KLF12: variants seen among roughly 807,000 people sequenced by gnomAD.
The protein encoded by KLF12 is KLF transcription factor 12, also known as Krueppel-like factor 12.
A neutral mutation model predicts 37.8 loss-of-function variants in KLF12; 9 were observed. The ratio of observed to expected loss-of-function variants is 0.24; its 90% CI spans 0.14 to 0.42. The LOEUF is 0.42. KLF12 is among the 10% of genes least tolerant of loss of function. The pLI is 1.00. For synonymous variants in KLF12, 208 were observed against 202.1 expected (o/e 1.03, Z -0.25); for missense variants, 411 against 516.0 (o/e 0.80, Z 1.97).
intron 4 of KLF12, among the ~76,000 whole-genome samples, chr13:73,833,672 T>A (rs1478884329): frequency 6.6e-6 from 1 of 152,128 alleles, no homozygotes; most frequent in African/African-American, 2.4e-5. Context: ...CCAGATCTTT[T>A]GTCAGAGAAA....
At chr13:73,819,820 G>A (rs1227565326) in intron 4 of KLF12, among the ~76,000 whole-genome samples, 2 of 152,206 alleles carry the variant, frequency 1.3e-5, no homozygotes, top group Admixed American at 6.5e-5. Context: ...TTGAGTAAGA[G>A]AAGCTTGCAG....
the KLF12 span, among the ~76,000 whole-genome samples, chr13:74,241,361 G>C: frequency 3.3e-5 from 5 of 152,186 alleles, no homozygotes; most frequent in Non-Finnish European, 7.4e-5. Context: ...GTCAGACAGG[G>C]ACATTTAAGT....
At chr13:74,064,085 G>A (rs1396998347) in intron 1 of KLF12, among the ~76,000 whole-genome samples, 2 of 151,776 alleles carry the variant, frequency 1.3e-5, no homozygotes, top group Non-Finnish European at 2.9e-5. Flanking sequence ...CCCCAAAAGA[G>A]GAAAAAAATC....
chr13:74,291,017 T>C, the KLF12 span, among the ~76,000 whole-genome samples: 2 of 152,244 alleles, frequency 1.3e-5, no homozygotes. Context: ...CCACTTATTC[T>C]ACAACAACAA....
intron 3 of KLF12, among the ~76,000 whole-genome samples, chr13:73,852,641 G>A (rs1885390400): frequency 1.3e-5 from 2 of 152,018 alleles, no homozygotes; most frequent in South Asian, 2.1e-4. Flanking sequence ...GCCGGGCGTG[G>A]TGGCGCGTGC....
intron 5 of KLF12, among the ~76,000 whole-genome samples, chr13:73,776,648 G>A (rs1880625872): frequency 1.3e-5 from 2 of 152,296 alleles, no homozygotes; most frequent in South Asian, 4.1e-4. Context: ...AGCCACTGGT[G>A]TTTGGTTTCC....
intron 5 of KLF12, among the ~76,000 whole-genome samples, chr13:73,795,111 C>T (rs1330048609): frequency 6.6e-6 from 1 of 152,178 alleles, no homozygotes; most frequent in African/African-American, 2.4e-5. Context: ...TTTTTCTGCA[C>T]AGAATTGGGA....
At chr13:73,810,838 G>A (rs1025181531) in intron 5 of KLF12, among the ~76,000 whole-genome samples, 8 of 152,070 alleles carry the variant, frequency 5.3e-5, no homozygotes, top group Admixed American at 3.3e-4. Flanking sequence ...TGTGCTGACC[G>A]TGGTGAGTCA....
the KLF12 span, among the ~76,000 whole-genome samples, chr13:74,219,105 C>T: frequency 2.6e-5 from 4 of 152,026 alleles, no homozygotes; most frequent in African/African-American, 7.2e-5. Flanking sequence ...TACAGGTGCA[C>T]ACCACCTTGC....
At chr13:74,144,759 T>C in the KLF12 span, among the ~76,000 whole-genome samples, 1 of 152,198 alleles carries the variant, frequency 6.6e-6, no homozygotes, top group Non-Finnish European at 1.5e-5. Flanking sequence ...TTAGTTATTT[T>C]AGAGCTGTTA....
chr13:73,999,502 G>C (rs1593818310), intron 1 of KLF12, among the ~76,000 whole-genome samples: 1 of 152,140 alleles, frequency 6.6e-6, no homozygotes, highest in Admixed American at 6.5e-5. Context: ...GGGAGACCCA[G>C]GTGGGCAGAT....
At chr13:73,708,618 C>T (rs1875128057) in intron 7 of KLF12, among the ~76,000 whole-genome samples, 1 of 152,104 alleles carries the variant, frequency 6.6e-6, no homozygotes, top group African/African-American at 2.4e-5. Flanking sequence ...CTGAATGTTA[C>T]TTGCTTTTAC....
At chr13:73,963,810 TTA>T (rs1430512303) in intron 2 of KLF12, among the ~76,000 whole-genome samples, 2 of 152,196 alleles carry the variant, frequency 1.3e-5, no homozygotes, top group Non-Finnish European at 1.5e-5. Context: ...AAAACATTGT[TTA>T]TATTTATGCA....
At chr13:74,084,041 A>G (rs1354867803) in intron 1 of KLF12, among the ~76,000 whole-genome samples, 1 of 152,194 alleles carries the variant, frequency 6.6e-6, no homozygotes, top group Admixed American at 6.5e-5. Flanking sequence ...GTGTAACAGA[A>G]TAATTTAAAT....
At chr13:73,778,632 T>C (rs1283924571) in intron 5 of KLF12, among the ~76,000 whole-genome samples, 1 of 152,176 alleles carries the variant, frequency 6.6e-6, no homozygotes, top group African/African-American at 2.4e-5. Flanking sequence ...CCGAAAGTGC[T>C]GGGATTACAA....
At chr13:73,804,047 T>C (rs1882432570) in intron 5 of KLF12, among the ~76,000 whole-genome samples, 2 of 152,142 alleles carry the variant, frequency 1.3e-5, no homozygotes, top group Non-Finnish European at 2.9e-5. Flanking sequence ...AATAAACTCA[T>C]CCTTCCTGAT....
chr13:73,832,121 C>CA (rs1228147601), intron 4 of KLF12, among the ~76,000 whole-genome samples: 3 of 152,182 alleles, frequency 2.0e-5, no homozygotes, highest in Non-Finnish European at 4.4e-5. Flanking sequence ...ATGTAGACAA[C>CA]ATATTTTGTA....
the KLF12 span, among the ~76,000 whole-genome samples, chr13:74,251,667 AG>A: frequency 5.3e-5 from 8 of 152,026 alleles, no homozygotes; most frequent in African/African-American, 1.7e-4. Flanking sequence ...TTGGCTCCCC[AG>A]TTGGCTGACT....
chr13:73,692,418 CTATGTG>C lies in KLF12; in HGVS notation c.*3066_*3071del, dbSNP rs1873872910. The C allele has an allele frequency of 1.3e-5, 2 of 152,726 alleles. No individual in the cohort carries two copies. Among genetic ancestry groups the C allele is most frequent in the African/African-American group, 2.4e-5 (1 of 41,578 alleles). The allele number at this position is 152,726 out of a possible 1,614,324, so 9.5% of individuals were successfully genotyped here. A position where few individuals can be genotyped will look rare whatever the true frequency, so the allele number is the denominator to read the frequency against. On this transcript the variant is annotated 3_prime_UTR_variant, in exon 8 of 8. Coordinates refer to ENST00000377669, the MANE Select transcript of KLF12 (RefSeq NM_007249.5). ...GCAGCTGCTTAAGTAGTTAATGGCT[CTATGTG>C]TATAAGTTCCCAACCATGCACATAT...
Sources: gnomAD v4.1 joint callset for allele counts (sites outside exome capture counted in the v4.1 genomes callset) on GRCh38, gnomAD v4.1.1 for gene constraint, MANE v1.5 for transcripts, NCBI Gene and HGNC (gene_info 2026-07-23, HGNC 2026-07-21) for gene names.